The following NRXN3 variants were observed in gnomAD, a reference collection of about 807,000 sequenced individuals.
NRXN3 encodes the protein neurexin 3.
A neutral mutation model predicts 137.6 loss-of-function variants in NRXN3; 32 were observed. The ratio of observed to expected loss-of-function variants is 0.23; its 90% CI spans 0.18 to 0.31. NRXN3 has a LOEUF of 0.31. Ranked by LOEUF, NRXN3 falls within the 10% of genes least tolerant of loss-of-function variation. NRXN3 has a pLI of 1.00. For missense variants in NRXN3, 1,574 were observed against 2,062.5 expected (o/e 0.76, Z 4.59); for synonymous variants, 798 against 784.5 (o/e 1.02, Z -0.29).
intron 16 of NRXN3, among the ~76,000 whole-genome samples, chr14:79,569,628 T>TGA (rs1214410521): frequency 1.6e-4 from 23 of 146,990 alleles, no homozygotes; most frequent in African/African-American, 5.6e-4. Flanking sequence ...TGTGTGTGTG[T>TGA]GTGAGAGAGA....
intron 5 of NRXN3, among the ~76,000 whole-genome samples, 194 bp downstream of exon 5, chr14:78,645,615 TTC>T (rs1186811811): frequency 6.6e-6 from 1 of 150,908 alleles, no homozygotes; most frequent in Non-Finnish European, 1.5e-5. Flanking sequence ...CATACTTCAA[TTC>T]TCTCTCTGTG....
chr14:79,122,202 G>T (rs1002915769), intron 15 of NRXN3, among the ~76,000 whole-genome samples: 1 of 152,168 alleles, frequency 6.6e-6, no homozygotes, highest in African/African-American at 2.4e-5. Flanking sequence ...TTAACGTGAA[G>T]GTTTTCCAGG....
At chr14:78,595,216 C>T (rs1438971759) in intron 4 of NRXN3, among the ~76,000 whole-genome samples, 1 of 152,140 alleles carries the variant, frequency 6.6e-6, no homozygotes. Flanking sequence ...GCCAATATGG[C>T]CATGAGAAGT....
intron 19 of NRXN3, among the ~76,000 whole-genome samples, chr14:79,708,850 G>A (rs991442268): frequency 6.6e-6 from 1 of 152,110 alleles, no homozygotes; most frequent in Non-Finnish European, 1.5e-5. Flanking sequence ...AATGATTGGG[G>A]AAATAAATGC....
rs1283024866 is a variant in NRXN3, at chr14:79,500,918, A to G, written c.3444+33516A>G. 2.0e-5 allele frequency among the ~76,000 whole-genome samples: 3 copies of G among 152,214 alleles called. No homozygotes were observed. The East Asian group carries it at 5.8e-4, about 29-fold the overall frequency. On this transcript the variant is annotated intron_variant, in intron 16 of 20. Coordinates refer to ENST00000335750, the MANE Select transcript of NRXN3 (RefSeq NM_001330195.2). ...CAGCAATCACCAATAGCTTTGATTA[A>G]CAACATGACTAATACATAAGTTATG...
At chr14:78,219,085 CTTAG>C (rs1415873285) in intron 1 of NRXN3, among the ~76,000 whole-genome samples, 5 of 152,322 alleles carry the variant, frequency 3.3e-5, no homozygotes, top group Non-Finnish European at 7.3e-5. Flanking sequence ...CTCATTTTAA[CTTAG>C]TTAGCTCTTT....
intron 10 of NRXN3, among the ~76,000 whole-genome samples, chr14:78,928,749 C>T (rs1393174689): frequency 2.0e-5 from 3 of 152,100 alleles, no homozygotes; most frequent in Non-Finnish European, 2.9e-5. Context: ...TGAATTAGTG[C>T]CTCAATAAAC....
chr14:78,709,867 C>T (rs548615120), intron 7 of NRXN3: 167 of 560,874 alleles, frequency 3.0e-4, no homozygotes, highest in Non-Finnish European at 3.7e-4. Context: ...TCACTCACTG[C>T]GCAATTGTCT....
chr14:78,620,328 C>T (rs1233707074), intron 4 of NRXN3, among the ~76,000 whole-genome samples: 1 of 152,176 alleles, frequency 6.6e-6, no homozygotes. Flanking sequence ...TAGCGCAATC[C>T]TTAGCTGCAT....
intron 20 of NRXN3, among the ~76,000 whole-genome samples, chr14:79,807,929 G>C (rs920505382): frequency 6.6e-6 from 1 of 152,142 alleles, no homozygotes; most frequent in Non-Finnish European, 1.5e-5. Context: ...AATGCAGAGA[G>C]AGAAGAGGTT....
At chr14:78,544,182 C>G (rs137856851) in intron 4 of NRXN3, among the ~76,000 whole-genome samples, 85 of 152,298 alleles carry the variant, frequency 5.6e-4, no homozygotes, top group Non-Finnish European at 9.8e-4. Flanking sequence ...CAAATGCTAT[C>G]AAGTTATACC....
At chr14:79,611,028 TG>T (rs373928411) in intron 16 of NRXN3, among the ~76,000 whole-genome samples, 132 of 152,290 alleles carry the variant, frequency 8.7e-4, no homozygotes, top group Middle Eastern at 3.4e-3. Context: ...GTTGGATTGC[TG>T]CTGCTGGGGA....
At chr14:78,980,038 G>T (rs2099485450) in intron 14 of NRXN3, among the ~76,000 whole-genome samples, 1 of 152,194 alleles carries the variant, frequency 6.6e-6, no homozygotes, top group African/African-American at 2.4e-5. Flanking sequence ...GCTGTGGTTT[G>T]TTGGGACAGG....
At chr14:79,332,394 T>C (rs1236461976) in intron 15 of NRXN3, among the ~76,000 whole-genome samples, 3 of 152,212 alleles carry the variant, frequency 2.0e-5, no homozygotes, top group Non-Finnish European at 4.4e-5. Context: ...CTCACCAGTA[T>C]GCACCGGTAG....
chr14:78,821,505 C>A (rs1001888477), intron 10 of NRXN3, among the ~76,000 whole-genome samples: 11 of 151,840 alleles, frequency 7.2e-5, no homozygotes, highest in Admixed American at 3.3e-4. Context: ...GCAACAGAAA[C>A]GGAATGCTTG....
At chr14:79,585,549 G>C (rs980632445) in intron 16 of NRXN3, among the ~76,000 whole-genome samples, 2 of 151,978 alleles carry the variant, frequency 1.3e-5, no homozygotes, top group Non-Finnish European at 2.9e-5. Flanking sequence ...GCTGGGTGTG[G>C]TGGTGTGTGC....
chr14:78,574,890 G>A (rs1176936518), intron 4 of NRXN3, among the ~76,000 whole-genome samples: 2 of 152,148 alleles, frequency 1.3e-5, no homozygotes, highest in Non-Finnish European at 2.9e-5. Flanking sequence ...GATTTGGGAG[G>A]AGCCAGGGAC....
intron 16 of NRXN3, among the ~76,000 whole-genome samples, chr14:79,533,232 C>T (rs1317308326): frequency 1.3e-5 from 2 of 152,096 alleles, no homozygotes; most frequent in Admixed American, 6.6e-5. Context: ...TCTCATGATG[C>T]ATGGCTAGTT....
chr14:78,400,213 T>G (rs76673461), intron 4 of NRXN3, among the ~76,000 whole-genome samples: 2,022 of 152,332 alleles, frequency 0.013, 45 homozygotes, highest in African/African-American at 0.047. Context: ...AGTCTCCTAT[T>G]ATGAGTTGAC....
Sources: allele counts gnomAD v4.1 joint callset (sites outside exome capture counted in the v4.1 genomes callset), GRCh38; gene constraint gnomAD v4.1.1; transcripts MANE v1.5; gene names NCBI Gene and HGNC (gene_info 2026-07-23, HGNC 2026-07-21).